Variants in SCHIP1 observed in about 807,000 individuals in gnomAD.
SCHIP1 encodes schwannomin-interacting protein 1.
In SCHIP1, 8 loss-of-function variants were observed where a neutral mutation model predicts 29.7. The ratio of observed to expected loss-of-function variants is 0.27; its 90% CI spans 0.16 to 0.49. SCHIP1 has a LOEUF of 0.49. Among genes scored for constraint, SCHIP1 ranks in the 20% least tolerant of loss-of-function variants. The pLI, the probability that SCHIP1 is intolerant of heterozygous loss-of-function variation, is 0.99. For missense variants in SCHIP1, 193 were observed against 294.6 expected (o/e 0.66, Z 2.52); for synonymous variants, 76 against 94.9 (o/e 0.80, Z 1.16).
chr3:159,884,868 C>T (rs1716811463), intron 2 of SCHIP1, among the ~76,000 whole-genome samples: 1 of 152,124 alleles, frequency 6.6e-6, no homozygotes, highest in Admixed American at 6.5e-5. Flanking sequence ...CTGGGCCTGG[C>T]TCCCCCTTGC....
At chr3:159,374,697 G>A in the SCHIP1 span, among the ~76,000 whole-genome samples, 28,111 of 152,110 alleles carry the variant, frequency 0.18, 2,772 homozygotes, top group Middle Eastern at 0.29. Context: ...TTACTTAATA[G>A]ATGTATTAAT....
the SCHIP1 span, among the ~76,000 whole-genome samples, chr3:159,417,151 A>G: frequency 0.54 from 82,533 of 151,998 alleles, 23,757 homozygotes; most frequent in East Asian, 0.75. Flanking sequence ...CACTTGGCAG[A>G]ATTTGTTCAA....
chr3:159,817,071 A>C, the SCHIP1 span, among the ~76,000 whole-genome samples: 1 of 152,302 alleles, frequency 6.6e-6, no homozygotes, highest in South Asian at 2.1e-4. Context: ...ACTGTGTCTT[A>C]TCTCTGTATT....
chr3:159,792,651 C>T, the SCHIP1 span, among the ~76,000 whole-genome samples: 1 of 152,202 alleles, frequency 6.6e-6, no homozygotes, highest in Admixed American at 6.5e-5. Context: ...GAAATGGCTA[C>T]AGTTCCCTTG....
At chr3:159,603,869 G>A in the SCHIP1 span, among the ~76,000 whole-genome samples, 1 of 152,278 alleles carries the variant, frequency 6.6e-6, no homozygotes, top group African/African-American at 2.4e-5. Flanking sequence ...GCAGAGTCCT[G>A]AGGGAGCACA....
chr3:159,394,124 T>G, the SCHIP1 span, among the ~76,000 whole-genome samples: 1 of 150,642 alleles, frequency 6.6e-6, no homozygotes. Context: ...TTGTCTGTTG[T>G]TGGTGTATAA....
At chr3:159,410,600 G>A in the SCHIP1 span, among the ~76,000 whole-genome samples, 77 of 152,170 alleles carry the variant, frequency 5.1e-4, no homozygotes, top group African/African-American at 1.7e-3. Flanking sequence ...CAGTTAAAAT[G>A]TCCTTTATCC....
At chr3:159,470,295 CATAA>C in the SCHIP1 span, among the ~76,000 whole-genome samples, 1 of 151,838 alleles carries the variant, frequency 6.6e-6, no homozygotes, top group African/African-American at 2.4e-5. Context: ...AGACATGAAA[CATAA>C]ATAGTTTTAT....
At chr3:159,626,165 G>T in the SCHIP1 span, among the ~76,000 whole-genome samples, 93 of 97,220 alleles carry the variant, frequency 9.6e-4, 2 homozygotes, top group African/African-American at 7.8e-3. Context: ...TATATATCTA[G>T]ATATATCTAT....
chr3:159,856,923 A>G lies in SCHIP1; in HGVS notation c.31-9240A>G, dbSNP rs531998598. 3.3e-5 allele frequency among the ~76,000 whole-genome samples: 5 copies of G among 152,192 alleles called. No individual in the cohort carries two copies. The East Asian group carries it at 9.6e-4, about 29-fold the overall frequency. On this transcript the variant is annotated intron_variant, in intron 1 of 6. Transcript: ENST00000445224. ...ACAAGCTCTCTGCCCTCCCCACACA[A>G]TTACTGAGGAAAAACAGCCGTCGAC...
the SCHIP1 span, among the ~76,000 whole-genome samples, chr3:159,434,322 A>G: frequency 2.6e-5 from 4 of 152,154 alleles, no homozygotes; most frequent in African/African-American, 4.8e-5. Context: ...AAGGCAATAC[A>G]TAATGTTTGC....
chr3:159,803,640 G>A, the SCHIP1 span, among the ~76,000 whole-genome samples: 2 of 152,202 alleles, frequency 1.3e-5, no homozygotes, highest in East Asian at 1.9e-4. Context: ...ACTCTCTAAC[G>A]TAGATACAGA....
At chr3:159,630,057 G>A in the SCHIP1 span, among the ~76,000 whole-genome samples, 12 of 152,184 alleles carry the variant, frequency 7.9e-5, no homozygotes, top group African/African-American at 2.9e-4. Flanking sequence ...GGCAGCCAAA[G>A]AGAATGTACA....
the SCHIP1 span, among the ~76,000 whole-genome samples, chr3:159,309,900 G>A: frequency 2.6e-5 from 4 of 152,140 alleles, no homozygotes; most frequent in African/African-American, 4.8e-5. Flanking sequence ...GTTCCATGTA[G>A]CAAGAATCAA....
the SCHIP1 span, among the ~76,000 whole-genome samples, chr3:159,665,054 C>T: frequency 2.6e-5 from 4 of 152,198 alleles, no homozygotes; most frequent in South Asian, 2.1e-4. Context: ...TTACAATCAC[C>T]GGGGGGACTT....
At chr3:159,558,571 A>G in the SCHIP1 span, among the ~76,000 whole-genome samples, 3 of 152,154 alleles carry the variant, frequency 2.0e-5, no homozygotes, top group Non-Finnish European at 4.4e-5. Flanking sequence ...TAATAAATCC[A>G]TGGAGCTGGA....
chr3:159,550,656 A>C, the SCHIP1 span, among the ~76,000 whole-genome samples: 2 of 152,108 alleles, frequency 1.3e-5, no homozygotes, highest in Admixed American at 6.5e-5. Context: ...TTTTTATCCA[A>C]ATTTGTATCC....
the SCHIP1 span, among the ~76,000 whole-genome samples, chr3:159,303,951 C>T: frequency 2.6e-5 from 4 of 151,926 alleles, no homozygotes; most frequent in African/African-American, 9.7e-5. Flanking sequence ...CACGCTGTTG[C>T]GCTGCACCCA....
At chr3:159,328,349 G>C in the SCHIP1 span, among the ~76,000 whole-genome samples, 1 of 152,246 alleles carries the variant, frequency 6.6e-6, no homozygotes, top group Non-Finnish European at 1.5e-5. Flanking sequence ...AGAAGGCAGA[G>C]GAACATGTAA....
Sources: gnomAD v4.1 joint callset for allele counts (sites outside exome capture counted in the v4.1 genomes callset) on GRCh38, gnomAD v4.1.1 for gene constraint, MANE v1.5 for transcripts, NCBI Gene and HGNC (gene_info 2026-07-23, HGNC 2026-07-21) for gene names.